BCORL1: variants seen among roughly 807,000 people sequenced by gnomAD.
BCORL1 encodes BCL6 corepressor like 1.
BCORL1 carries 7 observed loss-of-function variants against 87.6 expected under a neutral mutation model. The ratio of observed to expected loss-of-function variants is 0.08; its 90% CI spans 0.05 to 0.15. The LOEUF is 0.15. BCORL1 is among the 10% of genes least tolerant of loss of function. BCORL1 has a pLI of 1.00. For synonymous variants in BCORL1, 591 were observed against 634.4 expected (o/e 0.93, Z 1.03); for missense variants, 1,215 against 1,499.7 (o/e 0.81, Z 3.13).
chrX:129,985,998 C>T (rs781625155), intron 1 of BCORL1, among the ~76,000 whole-genome samples: 130 of 110,852 alleles, frequency 1.2e-3, no homozygotes, highest in Admixed American at 1.9e-3. Context: ...TGCAGGTGCC[C>T]GCCACCACGC....
At chrX:130,008,285 C>G (rs1178992755) in intron 2 of BCORL1, among the ~76,000 whole-genome samples, 1 of 101,288 alleles carries the variant, frequency 9.9e-6, no homozygotes, top group Non-Finnish European at 2.0e-5. Context: ...TTTTTTGAGA[C>G]AGAGTTTAGC....
At position 129,999,893 on chromosome X, in the gene BCORL1, C is replaced by T. The variant is rs772441790; in HGVS notation, c.-44-5295C>T. ...TTCACCATGTTGGCCAGGCTGGTCT[C>T]GAACTCCTGACCTCAGGTGATCCAC... On this transcript the variant is annotated intron_variant, in intron 1 of 13. Transcript: ENST00000540052. Among the ~76,000 whole-genome samples the T allele has an allele frequency of 2.4e-4, 25 of 104,514 alleles. No individual in the cohort carries two copies. In the East Asian group the frequency reaches 4.1e-3, roughly 17 times the overall value. 90.8% of individuals were successfully genotyped at this position (104,514 alleles called of 115,157 possible).
rs765583708 is a variant in BCORL1, at chrX:130,021,056, A to G, written c.3513A>G (p.Lys1171=). The stretch of plus-strand genomic sequence containing the variant: ...CCAGGGGGGCTTCAGATTCAGGAAA[A>G]GAGCACAATGGAGTCAGGGGAAAGC... ...KSPRGASDSG[K]EHNGVRGKHK... is the part of the protein sequence containing the mutation. The change falls in exon 5 of 14, where the codon AAA becomes AAG. Residue 1171 remains lysine, a synonymous_variant. Coordinates refer to ENST00000540052, the MANE Select transcript of BCORL1 (RefSeq NM_001379451.1). 8.4e-7 allele frequency: 1 copy of G among 1,192,489 alleles called. No homozygotes were observed. The highest frequency in any genetic ancestry group is 1.1e-6 in the Non-Finnish European group (1 of 888,166).
chrX:130,054,578 G>T (rs1932256371), intron 13 of BCORL1, among the ~76,000 whole-genome samples: 1 of 110,435 alleles, frequency 9.1e-6, no homozygotes, highest in Non-Finnish European at 1.9e-5. Context: ...AGAGAGACTG[G>T]GTGGACATTG....
intron 1 of BCORL1, among the ~76,000 whole-genome samples, chrX:129,998,172 G>A (rs1291499397): frequency 1.8e-5 from 2 of 110,498 alleles, no homozygotes; most frequent in Non-Finnish European, 3.8e-5. Flanking sequence ...TTGATTCTTG[G>A]GCCATGCAGC....
At position 130,014,165 on chromosome X, in the gene BCORL1, A is replaced by G. The variant is rs754779030; in HGVS notation, c.1393A>G (p.Thr465Ala). 8.3e-7 allele frequency: 1 copy of G among 1,211,164 alleles called. No homozygotes were observed. Among genetic ancestry groups the G allele is most frequent in the South Asian group, 1.8e-5 (1 of 56,940 alleles). The change falls in exon 4 of 14, where the codon ACA (threonine) becomes GCA (alanine). Residue 465 changes from threonine to alanine, a missense_variant. Around this residue, in one of 5 missense-constraint regions of BCORL1, gnomAD observed 861 missense variants for 1,010.0 expected, o/e 0.85. Coordinates refer to ENST00000540052, the MANE Select transcript of BCORL1 (RefSeq NM_001379451.1). ...CTGTGGGCAGCCACTCAGTGTGGCC[A>G]CACTGCCAACCACTCTAGGGGTTTC... ...PSCGQPLSVATLPTTLGVSST... is the reference protein window; with the variant it reads ...PSCGQPLSVAALPTTLGVSST...
chrX:129,990,935 T>C (rs1355309953), intron 1 of BCORL1, among the ~76,000 whole-genome samples: 1 of 111,349 alleles, frequency 9.0e-6, no homozygotes, highest in Non-Finnish European at 1.9e-5. Context: ...TATTTGTTTA[T>C]TTATTGATTG....
intron 1 of BCORL1, 113 bp from the exon 2 acceptor site, chrX:130,005,075 T>A: frequency 4.4e-6 from 2 of 453,025 alleles, no homozygotes; most frequent in Non-Finnish European, 7.5e-6. Flanking sequence ...GCAGGCTGGC[T>A]GCTTTAACAT....
intron 8 of BCORL1, among the ~76,000 whole-genome samples, chrX:130,029,986 C>T (rs1026052648): frequency 1.8e-5 from 2 of 111,321 alleles, no homozygotes; most frequent in Non-Finnish European, 3.8e-5. Flanking sequence ...CTGGAATCCC[C>T]GAATGGCACT....
Position 130,051,927 on chromosome X carries a change from C to T in BCORL1, c.4986C>T (p.Asp1662=), listed in dbSNP as rs760087925. ...NPPGSSDQEG[D]DPMEEDDFMF... ...CTGGGAGCTCAGATCAAGAAGGAGA[C>T]GATCCGATGGAGGAGGATGATTTCA... Residue 1662 remains aspartate (D), a synonymous_variant, in exon 13 of 14, where the codon GAC becomes GAT. Transcript: ENST00000540052. 78 of 1,207,136 alleles carry T rather than the reference C, an allele frequency of 6.5e-5. No homozygotes were observed. Among genetic ancestry groups the T allele is most frequent in the Non-Finnish European group, 8.3e-5 (74 of 892,758 alleles).
chrX:129,983,988 G>T (rs1163860988), intron 1 of BCORL1, among the ~76,000 whole-genome samples: 1 of 108,532 alleles, frequency 9.2e-6, no homozygotes, highest in African/African-American at 3.3e-5. Flanking sequence ...CCCCACCCCG[G>T]GTCCTAAGGG....
chrX:130,043,784 A>ATTTTTT (rs1163098654), intron 11 of BCORL1, among the ~76,000 whole-genome samples: 2 of 15,974 alleles, frequency 1.3e-4, no homozygotes, highest in African/African-American at 4.7e-4. Flanking sequence ...ATATATATAT[A>ATTTTTT]TTTTTTTTTT....
intron 1 of BCORL1, 78 bp downstream of exon 1, chrX:129,982,840 G>A (rs1266252939): frequency 9.0e-6 from 1 of 110,804 alleles, no homozygotes; most frequent in Non-Finnish European, 1.9e-5. Flanking sequence ...GGGAGTAAGA[G>A]GGAGCCCGGG....
At chrX:129,995,267 A>G (rs1208503888) in intron 1 of BCORL1, among the ~76,000 whole-genome samples, 2 of 110,374 alleles carry the variant, frequency 1.8e-5, no homozygotes, top group African/African-American at 3.3e-5. Flanking sequence ...TGGCCTCCCA[A>G]AGTGCTGGGA....
rs775089804 is a variant in BCORL1, at chrX:130,047,110, C to T, written c.4841-3607C>T. On this transcript the variant is annotated intron_variant, in intron 11 of 13. Coordinates refer to ENST00000540052, the MANE Select transcript of BCORL1 (RefSeq NM_001379451.1). ...TTCCTTTTTATGGCTGACTAATATT[C>T]TCTTATGTGGATATATACGCCATTG... Among the ~76,000 whole-genome samples the T allele has an allele frequency of 7.2e-5, 8 of 111,589 alleles. No homozygotes were observed. The South Asian group carries it at 1.9e-3, about 26-fold the overall frequency.
chrX:129,993,442 T>C (rs996093667), intron 1 of BCORL1, among the ~76,000 whole-genome samples: 1 of 112,296 alleles, frequency 8.9e-6, no homozygotes, highest in African/African-American at 3.2e-5. Flanking sequence ...TCTCAGCACT[T>C]TGGGAGGCAA....
At chrX:130,012,239 A>G (rs1929030674) in intron 2 of BCORL1, among the ~76,000 whole-genome samples, 1 of 111,619 alleles carries the variant, frequency 9.0e-6, no homozygotes, top group Admixed American at 9.5e-5. Flanking sequence ...TGCCCTGTAC[A>G]TCCTGGATGG....
intron 12 of BCORL1, 86 bp from the exon 13 acceptor site, chrX:130,051,774 A>G (rs1000664255): frequency 1.1e-5 from 10 of 924,843 alleles, no homozygotes; most frequent in Admixed American, 1.0e-4. Context: ...CCACCCCTCC[A>G]TGCCCCTTTA....
chrX:130,002,707 A>T (rs147161803), intron 1 of BCORL1, among the ~76,000 whole-genome samples: 124 of 106,647 alleles, frequency 1.2e-3, no homozygotes, highest in African/African-American at 4.0e-3. Flanking sequence ...TGTGTGTGTG[A>T]GAGAGAGGAG....
Sources: gnomAD v4.1 joint callset for allele counts (sites outside exome capture counted in the v4.1 genomes callset) on GRCh38, gnomAD v4.1.1 for gene constraint, gnomAD v4.1.1 regional missense constraint, MANE v1.5 for transcripts, NCBI Gene and HGNC (gene_info 2026-07-23, HGNC 2026-07-21) for gene names.